UBAC2: variants seen among roughly 807,000 people sequenced by gnomAD.
UBAC2 encodes the protein ubiquitin-associated domain-containing protein 2.
UBAC2 carries 26 observed loss-of-function variants against 44.0 expected under a neutral mutation model. The ratio of observed to expected loss-of-function variants is 0.59; its 90% CI spans 0.43 to 0.82. UBAC2 has a LOEUF of 0.82. UBAC2 is among the 40% of genes least tolerant of loss of function. UBAC2 has a pLI of 0.00. For missense variants in UBAC2, 329 were observed against 419.4 expected (o/e 0.78, Z 1.88); for synonymous variants, 155 against 154.3 (o/e 1.00, Z -0.04).
chr13:99,236,041 A>G (rs1472197100), intron 1 of UBAC2, among the ~76,000 whole-genome samples: 1 of 152,212 alleles, frequency 6.6e-6, no homozygotes, highest in African/African-American at 2.4e-5. Flanking sequence ...CTTACTATAC[A>G]TAAAAATCAA....
chr13:99,220,027 T>G (rs2043037287), intron 1 of UBAC2, among the ~76,000 whole-genome samples: 1 of 152,208 alleles, frequency 6.6e-6, no homozygotes, highest in African/African-American at 2.4e-5. Context: ...TGTAGGTTTT[T>G]GTGGAAAAAA....
At chr13:99,335,884 A>C (rs1383675917) in intron 6 of UBAC2, among the ~76,000 whole-genome samples, 6 of 151,984 alleles carry the variant, frequency 3.9e-5, no homozygotes, top group Admixed American at 3.9e-4. Context: ...ATCCTTACCA[A>C]AACCTCACAC....
At chr13:99,208,954 A>T (rs1266556904) in intron 1 of UBAC2, among the ~76,000 whole-genome samples, 2 of 152,156 alleles carry the variant, frequency 1.3e-5, no homozygotes, top group African/African-American at 4.8e-5. Context: ...AGCACCTAGG[A>T]ACTTAGATCC....
intron 1 of UBAC2, chr13:99,201,252 G>C: frequency 2.8e-6 from 4 of 1,439,704 alleles, no homozygotes; most frequent in South Asian, 1.5e-5. Context: ...TCGTGGGCCG[G>C]CCCCAGGCCC....
chr13:99,272,102 T>C (rs1281833580), intron 4 of UBAC2, among the ~76,000 whole-genome samples: 1 of 152,224 alleles, frequency 6.6e-6, no homozygotes. Flanking sequence ...TGGTCTGGGC[T>C]CAGTCCCAGC....
chr13:99,222,650 C>T (rs1260221833), intron 1 of UBAC2, among the ~76,000 whole-genome samples: 2 of 152,164 alleles, frequency 1.3e-5, no homozygotes, highest in Non-Finnish European at 2.9e-5. Context: ...TATACTTTAA[C>T]TTGTTGATAT....
intron 4 of UBAC2, among the ~76,000 whole-genome samples, chr13:99,280,297 T>C (rs2043935201): frequency 6.6e-6 from 1 of 152,256 alleles, no homozygotes; most frequent in African/African-American, 2.4e-5. Flanking sequence ...GTACTCTGCA[T>C]GTCAGCTAAA....
chr13:99,217,805 C>T (rs879761189), intron 1 of UBAC2, among the ~76,000 whole-genome samples: 5 of 152,160 alleles, frequency 3.3e-5, no homozygotes, highest in South Asian at 2.1e-4. Context: ...TGTCCTGAGG[C>T]GGATGATCTG....
chr13:99,215,590 C>T (rs1030842779), intron 1 of UBAC2: 4 of 1,347,022 alleles, frequency 3.0e-6, no homozygotes, highest in Non-Finnish European at 4.2e-6. Flanking sequence ...TCCAGGATGG[C>T]TGCGCTGTAC....
intron 7 of UBAC2, among the ~76,000 whole-genome samples, chr13:99,342,889 C>T (rs1485596285): frequency 1.3e-5 from 2 of 152,246 alleles, no homozygotes; most frequent in East Asian, 3.8e-4. Context: ...GGGGGTTCCC[C>T]TGATCGCTGT....
chr13:99,205,803 CCCT>C (rs2042864164), intron 1 of UBAC2: 2 of 165,802 alleles, frequency 1.2e-5, no homozygotes, highest in African/African-American at 4.8e-5. Flanking sequence ...TCCCCTTCCT[CCCT>C]CACCGTTCCA....
At chr13:99,201,433 C>T (rs2042797297) in intron 1 of UBAC2, 3 of 1,613,594 alleles carry the variant, frequency 1.9e-6, no homozygotes, top group Non-Finnish European at 2.5e-6. Flanking sequence ...CTTCAGTCTC[C>T]AAGAAGAGTT....
At chr13:99,228,391 G>A (rs1430122014) in intron 1 of UBAC2, among the ~76,000 whole-genome samples, 4 of 151,628 alleles carry the variant, frequency 2.6e-5, no homozygotes, top group South Asian at 2.1e-4. Context: ...GGGTTCAAGC[G>A]ATTCTCCTGC....
Position 99,330,458 on chromosome 13 carries a change from CA to C in UBAC2, c.562-9844del, listed in dbSNP as rs59409181. 9.9e-3 allele frequency among the ~76,000 whole-genome samples: 457 copies of C among 46,042 alleles called. 18 individuals carry two copies. The highest frequency in any genetic ancestry group is 0.031 in the African/African-American group (412 of 13,440). The allele number at this position is 46,042 out of a possible 152,430, so 30.2% of individuals were successfully genotyped here. On this transcript the variant is annotated intron_variant, in intron 6 of 8. Coordinates refer to ENST00000403766, the MANE Select transcript of UBAC2 (RefSeq NM_001144072.2). Reference sequence around the variant, plus strand: ...TGGGTGACAGAGTGAGACGTCATCTCAAAAAAAAAAAAAAAAAAGAAATACA... The same window carrying C: ...TGGGTGACAGAGTGAGACGTCATCTCAAAAAAAAAAAAAAAAAGAAATACA...
intron 4 of UBAC2, among the ~76,000 whole-genome samples, chr13:99,267,199 T>C (rs1258489909): frequency 6.6e-6 from 1 of 152,212 alleles, no homozygotes; most frequent in Admixed American, 6.5e-5. Flanking sequence ...CTATTCAAGT[T>C]CTTTGCCCAT....
At chr13:99,250,346 C>T (rs1041881546) in intron 4 of UBAC2, among the ~76,000 whole-genome samples, 3 of 152,118 alleles carry the variant, frequency 2.0e-5, no homozygotes, top group African/African-American at 7.2e-5. Flanking sequence ...GTTTTGTGAA[C>T]TTTGTTGAAT....
chr13:99,327,611 A>T (rs2044657593), intron 6 of UBAC2, among the ~76,000 whole-genome samples: 2 of 151,998 alleles, frequency 1.3e-5, no homozygotes, highest in Admixed American at 1.3e-4. Flanking sequence ...TGTCGTTTTG[A>T]ATTTATTTAT....
At chr13:99,332,906 G>GCTTTT (rs1433608700) in intron 6 of UBAC2, among the ~76,000 whole-genome samples, 68 of 151,760 alleles carry the variant, frequency 4.5e-4, no homozygotes, top group African/African-American at 1.5e-3. Flanking sequence ...TTTTCAGAGG[G>GCTTTT]TCTATGGATT....
At chr13:99,215,503 CG>C in intron 1 of UBAC2, 2 of 1,466,102 alleles carry the variant, frequency 1.4e-6, no homozygotes, top group Non-Finnish European at 1.9e-6. Context: ...TTGCAAGTGA[CG>C]AGGGGTAATA....
Sources: gnomAD v4.1 joint callset for allele counts (sites outside exome capture counted in the v4.1 genomes callset) on GRCh38, gnomAD v4.1.1 for gene constraint, MANE v1.5 for transcripts, NCBI Gene and HGNC (gene_info 2026-07-23, HGNC 2026-07-21) for gene names.